The following PDCD1 variants were observed in gnomAD, a reference collection of about 807,000 sequenced individuals.
PDCD1 encodes the protein programmed cell death 1, also known as programmed cell death protein 1.
A neutral mutation model predicts 23.6 loss-of-function variants in PDCD1; 10 were observed. The observed-to-expected ratio is 0.42, with a 90% confidence interval of 0.26 to 0.72. The LOEUF is 0.72. PDCD1 is among the 30% of genes least tolerant of loss of function. PDCD1 has a pLI of 0.24. For synonymous variants in PDCD1, 168 were observed against 169.3 expected (o/e 0.99, Z 0.06); for missense variants, 313 against 397.8 (o/e 0.79, Z 1.81).
chr2:241,858,192 G>A (rs906601598), intron 1 of PDCD1, among the ~76,000 whole-genome samples: 5 of 152,230 alleles, frequency 3.3e-5, no homozygotes, highest in African/African-American at 9.6e-5. Flanking sequence ...GTCCTCACTC[G>A]AACAGGTACA....
intron 4 of PDCD1, 138 bp downstream of exon 4, chr2:241,851,811 C>G: frequency 1.1e-6 from 1 of 902,796 alleles, no homozygotes; most frequent in South Asian, 1.4e-5. Flanking sequence ...AGGTTGCTGC[C>G]TGGGGGCTGG....
At chr2:241,852,054 AG>A (rs2124858512) in intron 3 of PDCD1, 71 bp from the exon 4 acceptor site, 1 of 1,158,702 alleles carries the variant, frequency 8.6e-7, no homozygotes, top group Non-Finnish European at 1.1e-6. Context: ...GTCTTAGTCC[AG>A]GGGCCTTCAT....
In PDCD1 at chr2:241,850,722, A is replaced by T; in HGVS notation, c.*336T>A. 1 of 585,898 alleles carries T rather than the reference A, an allele frequency of 1.7e-6. No individual in the cohort carries two copies. The highest frequency in any genetic ancestry group is 3.2e-6 in the Non-Finnish European group (1 of 313,668). The allele number at this position is 585,898 out of a possible 1,614,324, so 36.3% of individuals were successfully genotyped here. ...CACGGCGCCTTCAGCCCCGGGCCGCAGGCAGCAGCAGCAGCAGCAGCAGCA... is the reference window on the plus strand; with the variant it reads ...CACGGCGCCTTCAGCCCCGGGCCGCTGGCAGCAGCAGCAGCAGCAGCAGCA... On this transcript the variant is annotated 3_prime_UTR_variant, in exon 5 of 5. Coordinates refer to ENST00000334409, the MANE Select transcript of PDCD1 (RefSeq NM_005018.3).
At position 241,850,713 on chromosome 2, in the gene PDCD1, C is replaced by G. The variant is rs1700880962; in HGVS notation, c.*345G>C. On this transcript the variant is annotated 3_prime_UTR_variant, in exon 5 of 5. Coordinates refer to ENST00000334409, the MANE Select transcript of PDCD1 (RefSeq NM_005018.3). ...AGGCAGGGCCACGGCGCCTTCAGCC[C>G]CGGGCCGCAGGCAGCAGCAGCAGCA... is the stretch of plus-strand genomic sequence containing the variant. 3 of 575,536 alleles carry G rather than the reference C, an allele frequency of 5.2e-6. No homozygotes were observed. In the East Asian group the frequency reaches 1.1e-4, roughly 20 times the overall value. The allele number at this position is 575,536 out of a possible 1,614,324, so 35.7% of individuals were successfully genotyped here. A position where few individuals can be genotyped will look rare whatever the true frequency, so the allele number is the denominator to read the frequency against.
intron 3 of PDCD1, 55 bp from the exon 4 acceptor site, chr2:241,852,038 TG>T (rs41349848): frequency 8.0e-7 from 1 of 1,253,372 alleles, no homozygotes; most frequent in African/African-American, 1.9e-5. Flanking sequence ...TGCTCCTAGG[TG>T]GGGGGTCTTA....
At chr2:241,851,881 G>A in intron 4 of PDCD1, 68 bp downstream of exon 4, 2 of 1,463,950 alleles carry the variant, frequency 1.4e-6, no homozygotes, top group African/African-American at 2.8e-5. Context: ...GTCCCAGCCT[G>A]TCCTTCCACC....
chr2:241,850,807 T>C lies in PDCD1; in HGVS notation c.*251A>G. The C allele has an allele frequency of 1.6e-6, 1 of 623,794 alleles. No individual in the cohort carries two copies. Among genetic ancestry groups the C allele is most frequent in the Non-Finnish European group, 2.9e-6 (1 of 348,260 alleles). 38.6% of individuals were successfully genotyped at this position (623,794 alleles called of 1,614,324 possible). A position where few individuals can be genotyped will look rare whatever the true frequency, so the allele number is the denominator to read the frequency against. ...TCTGTGCTGGCAGGACCTGAAGCAGTGACTGCATCTGGCCCTCCCTGTAGG... is the reference window on the plus strand; with the variant it reads ...TCTGTGCTGGCAGGACCTGAAGCAGCGACTGCATCTGGCCCTCCCTGTAGG... On this transcript the variant is annotated 3_prime_UTR_variant, in exon 5 of 5. Transcript: ENST00000334409.
intron 1 of PDCD1, among the ~76,000 whole-genome samples, chr2:241,855,660 C>T (rs866995703): frequency 9.2e-5 from 14 of 152,172 alleles, no homozygotes; most frequent in African/African-American, 3.4e-4. Flanking sequence ...CATTGCTTTC[C>T]AGAAGCGCAC....
At chr2:241,855,112 G>A (rs961129689) in intron 1 of PDCD1, among the ~76,000 whole-genome samples, 3 of 152,120 alleles carry the variant, frequency 2.0e-5, no homozygotes, top group Non-Finnish European at 4.4e-5. Context: ...CTGGGCTCCT[G>A]TTCCGCCCCC....
At chr2:241,853,723 G>A (rs1162406454) in intron 1 of PDCD1, among the ~76,000 whole-genome samples, 3 of 152,258 alleles carry the variant, frequency 2.0e-5, no homozygotes, top group East Asian at 1.9e-4. Context: ...CGTGGGGGTC[G>A]CGGCTCTTCC....
intron 1 of PDCD1, 130 bp from the exon 2 acceptor site, chr2:241,853,110 C>T (rs757960022): frequency 4.2e-5 from 47 of 1,122,692 alleles, no homozygotes; most frequent in Non-Finnish European, 5.7e-5. Flanking sequence ...TGAGAAGTCT[C>T]TGCTGGGGCC....
chr2:241,856,937 G>A (rs1701040033), intron 1 of PDCD1, among the ~76,000 whole-genome samples: 1 of 152,240 alleles, frequency 6.6e-6, no homozygotes, highest in Non-Finnish European at 1.5e-5. Flanking sequence ...CAAAGCACAC[G>A]GAGAAGTCAG....
At position 241,858,781 on chromosome 2, in the gene PDCD1, G is replaced by T; in HGVS notation, c.58C>A (p.Arg20=). 6.3e-7 allele frequency: 1 copy of T among 1,592,318 alleles called. No homozygotes were observed. Among genetic ancestry groups the T allele is most frequent in the East Asian group, 2.3e-5 (1 of 43,898 alleles). Residue 20 remains arginine (R), a synonymous_variant, in exon 1 of 5, where the codon CGG becomes AGG. Coordinates refer to ENST00000334409, the MANE Select transcript of PDCD1 (RefSeq NM_005018.3). ...CACCTACCTAAGAACCATCCTGGCC[G>T]CCAGCCCAGTTGTAGCACCGCCCAG... ...VVWAVLQLGW[R]PGWFLDSPDR...
intron 1 of PDCD1, among the ~76,000 whole-genome samples, chr2:241,857,907 C>T (rs1380985974): frequency 6.6e-6 from 1 of 152,080 alleles, no homozygotes; most frequent in Non-Finnish European, 1.5e-5. Context: ...ACCACCCTCC[C>T]CAGGCCTTGG....
In PDCD1 at chr2:241,851,942, G is replaced by C; in HGVS notation, c.627+7C>G. On this transcript the variant is annotated splice_region_variant and intron_variant, in intron 4 of 4. Coordinates refer to ENST00000334409, the MANE Select transcript of PDCD1 (RefSeq NM_005018.3). ...AGTGGATCATGCAGGAAAAGAGTGA[G>C]ACTCACCAGGGGCTGGCCGGTGCGC... 6.2e-7 allele frequency: 1 copy of C among 1,613,562 alleles called. No homozygotes were observed. The highest frequency in any genetic ancestry group is 8.5e-7 in the Non-Finnish European group (1 of 1,179,684).
chr2:241,849,984 T>C lies in PDCD1; in HGVS notation c.*1074A>G. ...CTCAGGTGCCTGCTGGCCGCCTGGA[T>C]GCTGGTGGCCCTGCCCCAGGAGTGG... is the stretch of plus-strand genomic sequence containing the variant. On this transcript the variant is annotated 3_prime_UTR_variant, in exon 5 of 5. Coordinates refer to ENST00000334409, the MANE Select transcript of PDCD1 (RefSeq NM_005018.3). The C allele has an allele frequency of 4.6e-6, 1 of 219,328 alleles. No individual in the cohort carries two copies. The highest frequency in any genetic ancestry group is 9.2e-6 in the Non-Finnish European group (1 of 109,266). The allele number at this position is 219,328 out of a possible 1,614,324, so 13.6% of individuals were successfully genotyped here. A position where few individuals can be genotyped will look rare whatever the true frequency, so the allele number is the denominator to read the frequency against.
At chr2:241,855,410 A>T (rs752620193) in intron 1 of PDCD1, among the ~76,000 whole-genome samples, 19 of 152,162 alleles carry the variant, frequency 1.2e-4, no homozygotes, top group Non-Finnish European at 2.5e-4. Flanking sequence ...TCTACTAGGA[A>T]GGTGAATATT....
chr2:241,857,153 T>C (rs1701043629), intron 1 of PDCD1, among the ~76,000 whole-genome samples: 2 of 152,112 alleles, frequency 1.3e-5, no homozygotes, highest in Admixed American at 6.5e-5. Context: ...AATGACCGAA[T>C]GGCGAACGCA....
chr2:241,854,817 C>T (rs943400647), intron 1 of PDCD1, among the ~76,000 whole-genome samples: 6 of 152,214 alleles, frequency 3.9e-5, no homozygotes, highest in African/African-American at 7.2e-5. Flanking sequence ...GAAGTCATCA[C>T]GGGTACTGTG....
Sources: gnomAD v4.1 joint callset for allele counts (sites outside exome capture counted in the v4.1 genomes callset) on GRCh38, gnomAD v4.1.1 for gene constraint, MANE v1.5 for transcripts, NCBI Gene and HGNC (gene_info 2026-07-23, HGNC 2026-07-21) for gene names.